Variants in TTLL5 observed in about 807,000 individuals in gnomAD.
The protein encoded by TTLL5 is tubulin tyrosine ligase like 5, also known as tubulin polyglutamylase TTLL5.
TTLL5 carries 132 observed loss-of-function variants against 168.4 expected under a neutral mutation model. The observed-to-expected ratio is 0.78, with a 90% CI of 0.68 to 0.91. The LOEUF (loss-of-function observed/expected upper bound fraction) is 0.91, where lower values mean the gene tolerates loss of function less well. Among genes scored for constraint, TTLL5 ranks in the 40% least tolerant of loss-of-function variants. The probability of loss-of-function intolerance (pLI) is 0.00; values close to 1 mark genes in which losing one functional copy is unlikely to be tolerated. For missense variants in TTLL5, 1,545 were observed against 1,581.5 expected (o/e 0.98, Z 0.39); for synonymous variants, 546 against 558.6 (o/e 0.98, Z 0.32).
At chr14:75,882,170 C>T (rs757889753) in intron 29 of TTLL5, among the ~76,000 whole-genome samples, 10 of 152,074 alleles carry the variant, frequency 6.6e-5, no homozygotes, top group Non-Finnish European at 1.5e-4. Flanking sequence ...GTCGCAGGAA[C>T]CTCATCTTTC....
chr14:75,706,039 T>C (rs8011627), intron 7 of TTLL5, among the ~76,000 whole-genome samples: 2,606 of 152,222 alleles, frequency 0.017, 94 homozygotes, highest in African/African-American at 0.059. Context: ...AGTTCAGTCT[T>C]TTAGCCCCAG....
At position 75,784,152 on chromosome 14, in the gene TTLL5, C is replaced by T. The variant is rs28619542; in HGVS notation, c.2986+622C>T. On this transcript the variant is annotated intron_variant, in intron 26 of 31. Transcript: ENST00000298832. ...AATTTTAGAACATTTTCATCATCTC[C>T]AAAAGAAACCCCATACCTGTTAGCA... 6.2e-3 allele frequency among the ~76,000 whole-genome samples: 949 copies of T among 152,268 alleles called. 10 individuals carry two copies. The highest frequency in any genetic ancestry group is 0.022 in the African/African-American group (915 of 41,538).
At chr14:75,695,256 G>A (rs1422698927) in intron 6 of TTLL5, among the ~76,000 whole-genome samples, 3 of 152,166 alleles carry the variant, frequency 2.0e-5, no homozygotes, top group Non-Finnish European at 2.9e-5. Context: ...CTGGTCTCCC[G>A]TCGCGCTCCC....
rs534634506 is a variant in TTLL5, at chr14:75,886,342, A to G, written c.3740+3440A>G. On this transcript the variant is annotated intron_variant, in intron 30 of 31. Transcript: ENST00000298832. The stretch of plus-strand genomic sequence containing the variant: ...CAGTGGGGTCCTGTTTCTTTATGAT[A>G]ATACTCAAGTTGCTTTCCCTCTAAA... 3.3e-5 allele frequency among the ~76,000 whole-genome samples: 5 copies of G among 152,282 alleles called. 1 individual carries two copies. The South Asian group carries it at 1.0e-3, about 32-fold the overall frequency.
chr14:75,919,368 G>A (rs1387990463), intron 31 of TTLL5, among the ~76,000 whole-genome samples: 1 of 151,946 alleles, frequency 6.6e-6, no homozygotes, highest in Admixed American at 6.6e-5. Flanking sequence ...TTTTAAAAAA[G>A]GATTTTAATC....
At chr14:75,799,080 T>C (rs1893143873) in intron 27 of TTLL5, among the ~76,000 whole-genome samples, 1 of 152,168 alleles carries the variant, frequency 6.6e-6, no homozygotes. Context: ...TTTCCCACTA[T>C]TATTGTGTTG....
chr14:75,680,491 A>G (rs1032257909), intron 3 of TTLL5, among the ~76,000 whole-genome samples: 1 of 152,122 alleles, frequency 6.6e-6, no homozygotes, highest in African/African-American at 2.4e-5. Flanking sequence ...TTAGAGCACC[A>G]TGAGAAACAA....
chr14:75,830,733 G>A (rs1254739042), intron 28 of TTLL5, among the ~76,000 whole-genome samples: 1 of 152,100 alleles, frequency 6.6e-6, no homozygotes, highest in Admixed American at 6.5e-5. Flanking sequence ...AGTGTATGTT[G>A]TCTTATTCAT....
intron 30 of TTLL5, among the ~76,000 whole-genome samples, chr14:75,890,597 C>T (rs770788439): frequency 3.3e-5 from 5 of 152,090 alleles, no homozygotes; most frequent in Non-Finnish European, 7.4e-5. Context: ...GAACATAGAA[C>T]AAGTGGAAAT....
chr14:75,954,349 C>A (rs2035051657), intron 31 of TTLL5, 75 bp from the exon 32 acceptor site: 2 of 1,499,734 alleles, frequency 1.3e-6, no homozygotes, highest in Admixed American at 3.3e-5. Context: ...GTTAGATAAA[C>A]CAGACATTGC....
intron 30 of TTLL5, among the ~76,000 whole-genome samples, chr14:75,892,534 T>C (rs2032452063): frequency 6.6e-6 from 1 of 152,206 alleles, no homozygotes; most frequent in Non-Finnish European, 1.5e-5. Flanking sequence ...GAGACATTTA[T>C]ACTTGTCATA....
At chr14:75,850,604 C>A (rs1377156248) in intron 28 of TTLL5, among the ~76,000 whole-genome samples, 2 of 151,890 alleles carry the variant, frequency 1.3e-5, no homozygotes, top group Non-Finnish European at 2.9e-5. Flanking sequence ...ACACGTGAAT[C>A]CTGTTCTAAG....
chr14:75,759,959 A>G (rs1471568596), intron 18 of TTLL5, among the ~76,000 whole-genome samples: 1 of 152,134 alleles, frequency 6.6e-6, no homozygotes, highest in Non-Finnish European at 1.5e-5. Flanking sequence ...TAATAGGGCA[A>G]GATGTCCACT....
At chr14:75,828,745 C>T (rs773962654) in intron 28 of TTLL5, among the ~76,000 whole-genome samples, 1 of 152,202 alleles carries the variant, frequency 6.6e-6, no homozygotes, top group Non-Finnish European at 1.5e-5. Context: ...TTACTAGCTG[C>T]TTGAGCCCAG....
intron 18 of TTLL5, among the ~76,000 whole-genome samples, chr14:75,760,585 A>G (rs1045802066): frequency 5.3e-5 from 8 of 152,220 alleles, no homozygotes; most frequent in Non-Finnish European, 1.0e-4. Flanking sequence ...ATTCTACAGT[A>G]TTCAAGATAT....
chr14:75,952,295 C>T (rs192622710), intron 31 of TTLL5, among the ~76,000 whole-genome samples: 2 of 152,146 alleles, frequency 1.3e-5, no homozygotes, highest in Non-Finnish European at 2.9e-5. Context: ...GGCAACACAA[C>T]GAGACCCCAT....
chr14:75,751,028 T>C (rs1050704301), intron 17 of TTLL5, among the ~76,000 whole-genome samples: 2 of 152,198 alleles, frequency 1.3e-5, no homozygotes, highest in African/African-American at 4.8e-5. Context: ...TAACCATCCC[T>C]TATTTGCAGT....
chr14:75,727,427 T>G (rs1268305473), intron 12 of TTLL5, among the ~76,000 whole-genome samples: 2 of 152,158 alleles, frequency 1.3e-5, no homozygotes, highest in African/African-American at 4.8e-5. Context: ...CAATGCTAAG[T>G]GAAAGAAGCC....
At chr14:75,906,637 A>G (rs1441305909) in intron 31 of TTLL5, 16 of 985,822 alleles carry the variant, frequency 1.6e-5, no homozygotes, top group Non-Finnish European at 1.9e-5. Context: ...CAGTTATAGG[A>G]CAGAGAAAAT....
Sources: allele counts gnomAD v4.1 joint callset (sites outside exome capture counted in the v4.1 genomes callset), GRCh38; gene constraint gnomAD v4.1.1; transcripts MANE v1.5; gene names NCBI Gene and HGNC (gene_info 2026-07-23, HGNC 2026-07-21).